TMEM132C: variants seen among roughly 807,000 people sequenced by gnomAD.
TMEM132C encodes transmembrane protein 132C.
A neutral mutation model predicts 61.4 loss-of-function variants in TMEM132C; 29 were observed. The observed-to-expected ratio is 0.47, with a 90% CI of 0.35 to 0.64. The LOEUF is 0.64. Among genes scored for constraint, TMEM132C ranks in the 30% least tolerant of loss-of-function variants. TMEM132C has a pLI of 0.00. For missense variants in TMEM132C, 1,408 were observed against 1,476.9 expected (o/e 0.95, Z 0.76); for synonymous variants, 656 against 633.1 (o/e 1.04, Z -0.54).
intron 1 of TMEM132C, among the ~76,000 whole-genome samples, chr12:128,381,713 G>A (rs750167013): frequency 3.2e-4 from 48 of 152,172 alleles, no homozygotes; most frequent in Non-Finnish European, 1.2e-4. Flanking sequence ...GCTGGCCGGG[G>A]TTTAATACCC....
chr12:128,629,947 C>A (rs1375622623), intron 4 of TMEM132C, among the ~76,000 whole-genome samples: 22 of 133,330 alleles, frequency 1.7e-4, no homozygotes, highest in African/African-American at 6.0e-4. Context: ...GCCTGGAAGA[C>A]AAGAGCAAAA....
intron 5 of TMEM132C, among the ~76,000 whole-genome samples, chr12:128,683,970 TTAAATAAATAAATAAATAAATAAA>T (rs5741714): frequency 9.4e-4 from 138 of 147,578 alleles, no homozygotes; most frequent in Non-Finnish European, 7.0e-4. Flanking sequence ...CTGTTTGAAA[TTAAATAAATAAATAAATAAATAAA>T]TAAATAAATA....
intron 2 of TMEM132C, among the ~76,000 whole-genome samples, chr12:128,509,883 G>T (rs868447797): frequency 6.6e-6 from 1 of 152,196 alleles, no homozygotes; most frequent in African/African-American, 2.4e-5. Context: ...GGAAAAGAAC[G>T]TATTATTCTG....
intron 3 of TMEM132C, among the ~76,000 whole-genome samples, chr12:128,550,914 G>T (rs1027095715): frequency 6.6e-6 from 1 of 152,130 alleles, no homozygotes; most frequent in African/African-American, 2.4e-5. Context: ...GACAGGTGTG[G>T]AATACGAAAG....
intron 2 of TMEM132C, among the ~76,000 whole-genome samples, chr12:128,529,394 A>G (rs936622258): frequency 6.6e-6 from 1 of 152,220 alleles, no homozygotes; most frequent in African/African-American, 2.4e-5. Flanking sequence ...ATAAATCCAG[A>G]ATATGGGTAT....
At chr12:128,335,152 G>A (rs889728290) in intron 1 of TMEM132C, among the ~76,000 whole-genome samples, 4 of 152,166 alleles carry the variant, frequency 2.6e-5, no homozygotes, top group Non-Finnish European at 5.9e-5. Context: ...TCTTCATTGT[G>A]TTATCTGTGA....
At chr12:128,306,558 T>A (rs6486510) in intron 1 of TMEM132C, among the ~76,000 whole-genome samples, 25 of 152,054 alleles carry the variant, frequency 1.6e-4, no homozygotes, top group Non-Finnish European at 3.1e-4. Context: ...TCTTTTGTAA[T>A]GTTATTTTTA....
At chr12:128,376,778 G>A (rs1713615) in intron 1 of TMEM132C, among the ~76,000 whole-genome samples, 25,421 of 152,224 alleles carry the variant, frequency 0.17, 2,479 homozygotes, top group East Asian at 0.4. Flanking sequence ...TTGCCATTCC[G>A]CTCATAGGTG....
At chr12:128,379,673 A>G (rs1874339830) in intron 1 of TMEM132C, among the ~76,000 whole-genome samples, 1 of 152,212 alleles carries the variant, frequency 6.6e-6, no homozygotes, top group African/African-American at 2.4e-5. Flanking sequence ...GACACCTGTC[A>G]TTGGATTAAG....
At chr12:128,339,228 G>A (rs1872882201) in intron 1 of TMEM132C, among the ~76,000 whole-genome samples, 1 of 151,928 alleles carries the variant, frequency 6.6e-6, no homozygotes, top group Admixed American at 6.6e-5. Flanking sequence ...ACCTCCAAGG[G>A]CTTCCAGCTC....
chr12:128,564,875 C>T (rs770798525), intron 3 of TMEM132C, among the ~76,000 whole-genome samples: 63 of 152,294 alleles, frequency 4.1e-4, no homozygotes, highest in Middle Eastern at 3.4e-3. Flanking sequence ...CAGGGATCCC[C>T]CCTTCCTGGT....
rs942595465 is a variant in TMEM132C at position 128,326,004 on chromosome 12, G to A, written c.85+58517G>A. On this transcript the variant is annotated intron_variant, in intron 1 of 8. Coordinates refer to ENST00000435159, the MANE Select transcript of TMEM132C (RefSeq NM_001136103.3). The surrounding 1 kb of genome is among the most constrained non-coding windows in gnomAD (Gnocchi z 5.6). ...ACACGTGCGGAGGTTGTACTTGGTG[G>A]TATTCCTGGGTCCTGACGCCATACT... Among the ~76,000 whole-genome samples the A allele has an allele frequency of 1.3e-5, 2 of 152,084 alleles. No homozygotes were observed. Among genetic ancestry groups the A allele is most frequent in the African/African-American group, 4.8e-5 (2 of 41,418 alleles).
chr12:128,679,501 G>A (rs920463590), intron 5 of TMEM132C, among the ~76,000 whole-genome samples: 4 of 152,204 alleles, frequency 2.6e-5, no homozygotes, highest in Admixed American at 1.3e-4. Flanking sequence ...AAAGGCAGCA[G>A]CACCTTGAGA....
chr12:128,373,161 A>G (rs145542799), intron 1 of TMEM132C, among the ~76,000 whole-genome samples: 7 of 152,082 alleles, frequency 4.6e-5, no homozygotes, highest in Non-Finnish European at 7.4e-5. Context: ...CATTCTTTCT[A>G]TCTCTCTGCT....
At chr12:128,268,206 C>T (rs1870380761) in intron 1 of TMEM132C, among the ~76,000 whole-genome samples, 1 of 152,208 alleles carries the variant, frequency 6.6e-6, no homozygotes, top group South Asian at 2.1e-4. Flanking sequence ...ACCTCAGTGT[C>T]CTCTTCTCTA....
intron 4 of TMEM132C, among the ~76,000 whole-genome samples, chr12:128,623,421 TTA>T (rs199503150): frequency 9.4e-5 from 14 of 148,962 alleles, no homozygotes; most frequent in South Asian, 2.1e-4. Context: ...AAGTATAATT[TTA>T]TATATATATA....
At chr12:128,472,137 T>C (rs778470565) in intron 2 of TMEM132C, among the ~76,000 whole-genome samples, 4 of 152,106 alleles carry the variant, frequency 2.6e-5, no homozygotes, top group Non-Finnish European at 5.9e-5. Flanking sequence ...CACAGATGGT[T>C]CAGGAGTGGG....
chr12:128,603,044 A>G (rs186044802), intron 3 of TMEM132C, among the ~76,000 whole-genome samples: 117 of 152,356 alleles, frequency 7.7e-4, no homozygotes, highest in African/African-American at 2.5e-3. Context: ...AGCTGTATCC[A>G]TCTGAGGCAG....
At chr12:128,549,214 T>C (rs1055533165) in intron 3 of TMEM132C, among the ~76,000 whole-genome samples, 28 of 152,220 alleles carry the variant, frequency 1.8e-4, no homozygotes, top group African/African-American at 5.5e-4. Flanking sequence ...GCAGAGTTAT[T>C]CTGGGTGTGC....
Sources: allele counts gnomAD v4.1 joint callset (sites outside exome capture counted in the v4.1 genomes callset), GRCh38; gene constraint gnomAD v4.1.1; non-coding constraint Gnocchi (gnomAD v3.1); transcripts MANE v1.5; gene names NCBI Gene and HGNC (gene_info 2026-07-23, HGNC 2026-07-21).